Variants in RALGPS2 observed in about 807,000 individuals in gnomAD.
The protein encoded by RALGPS2 is Ral GEF with PH domain and SH3 binding motif 2, also known as ras-specific guanine nucleotide-releasing factor RalGPS2.
A neutral mutation model predicts 86.8 loss-of-function variants in RALGPS2; 43 were observed. The observed-to-expected ratio is 0.50, with a 90% CI of 0.39 to 0.64. The LOEUF is 0.64. RALGPS2 is among the 30% of genes least tolerant of loss of function. The pLI, the probability that RALGPS2 is intolerant of heterozygous loss-of-function variation, is 0.00. For synonymous variants in RALGPS2, 243 were observed against 231.3 expected (o/e 1.05, Z -0.46); for missense variants, 536 against 694.6 (o/e 0.77, Z 2.57).
At chr1:178,914,329 C>T (rs1244890885) in intron 19 of RALGPS2, among the ~76,000 whole-genome samples, 2 of 152,144 alleles carry the variant, frequency 1.3e-5, no homozygotes, top group Non-Finnish European at 2.9e-5. Flanking sequence ...CTCAAATATC[C>T]AGGAGGACTA....
intron 19 of RALGPS2, among the ~76,000 whole-genome samples, chr1:178,916,058 C>T (rs1343781657): frequency 2.0e-5 from 3 of 152,132 alleles, no homozygotes; most frequent in African/African-American, 7.2e-5. Context: ...CTACTGAGCC[C>T]CCTGTGTTAG....
chr1:178,745,970 T>C (rs1651304203), intron 1 of RALGPS2, among the ~76,000 whole-genome samples: 2 of 151,844 alleles, frequency 1.3e-5, no homozygotes, highest in African/African-American at 4.8e-5. Flanking sequence ...TACAGGCATG[T>C]GCCACCATAC....
At chr1:178,790,834 CA>C (rs1653915596) in intron 4 of RALGPS2, among the ~76,000 whole-genome samples, 1 of 152,126 alleles carries the variant, frequency 6.6e-6, no homozygotes, top group South Asian at 2.1e-4. Flanking sequence ...CCTATGATGG[CA>C]GCCAGTTTAG....
intron 8 of RALGPS2, among the ~76,000 whole-genome samples, chr1:178,846,904 T>G (rs76069805): frequency 1.6e-3 from 248 of 152,340 alleles, no homozygotes; most frequent in African/African-American, 5.6e-3. Context: ...ATATAGATTA[T>G]CTAATACATA....
chr1:178,883,417 G>C (rs1489729283), intron 10 of RALGPS2, 49 bp from the exon 11 acceptor site: 1 of 1,374,110 alleles, frequency 7.3e-7, no homozygotes, highest in Middle Eastern at 1.8e-4. Context: ...ATCTTATTTT[G>C]TCAAATGTTA....
intron 7 of RALGPS2, among the ~76,000 whole-genome samples, chr1:178,831,533 CA>C (rs1656016909): frequency 6.6e-6 from 1 of 151,904 alleles, no homozygotes; most frequent in South Asian, 2.1e-4. Context: ...TCATTAATAT[CA>C]ATGAAAGTGT....
intron 19 of RALGPS2, among the ~76,000 whole-genome samples, chr1:178,909,643 ATTTTTTT>A (rs57890269): frequency 1.8e-4 from 13 of 72,388 alleles, no homozygotes; most frequent in East Asian, 3.7e-4. Context: ...TTCTTTTTTA[ATTTTTTT>A]TTTTTTTTTT....
intron 8 of RALGPS2, among the ~76,000 whole-genome samples, chr1:178,843,717 A>G (rs1408578448): frequency 6.6e-6 from 1 of 152,072 alleles, no homozygotes; most frequent in Non-Finnish European, 1.5e-5. Flanking sequence ...AATTAAGAAC[A>G]TACACTATAG....
At chr1:178,840,148 G>C (rs1379212952) in intron 8 of RALGPS2, among the ~76,000 whole-genome samples, 1 of 152,166 alleles carries the variant, frequency 6.6e-6, no homozygotes, top group East Asian at 1.9e-4. Context: ...GCACCAAGCA[G>C]ACCTAATAGA....
rs1382289455 is a variant in RALGPS2, at chr1:178,785,527, A to C, written c.163-30A>C. On this transcript the variant is annotated intron_variant, in intron 3 of 19. Coordinates refer to ENST00000367635, the MANE Select transcript of RALGPS2 (RefSeq NM_152663.5). ...ATGTTATGGTATAGAATTCCAAAGAAGAAATTGTCATTTTTACTTTATATT... is the reference window on the plus strand; with the variant it reads ...ATGTTATGGTATAGAATTCCAAAGACGAAATTGTCATTTTTACTTTATATT... 2.6e-6 allele frequency: 4 copies of C among 1,564,696 alleles called. No homozygotes were observed. In the South Asian group the frequency reaches 4.9e-5, roughly 19 times the overall value.
In RALGPS2 at chr1:178,875,479, G is replaced by A. The variant is rs185227812; in HGVS notation, c.608-2019G>A. Among the ~76,000 whole-genome samples, 247 of 152,240 alleles carry A rather than the reference G, an allele frequency of 1.6e-3. 2 individuals are homozygous for A. The highest frequency in any genetic ancestry group is 2.6e-3 in the Non-Finnish European group (179 of 68,006). On this transcript the variant is annotated intron_variant, in intron 8 of 19. Coordinates refer to ENST00000367635, the MANE Select transcript of RALGPS2 (RefSeq NM_152663.5). ...ACATGTATATTGGGCCAGGTGCAGT[G>A]GCTCATGCCTGTAATCCTAGCACTT...
In RALGPS2 at chr1:178,889,764, T is replaced by C. The variant is rs1409921902; in HGVS notation, c.1247+68T>C. On this transcript the variant is annotated intron_variant, in intron 14 of 19. Transcript: ENST00000367635. ...TCTGGGTTAAATAATATAATACAAA[T>C]TTTCAGAGATAATATTTACTACATA... 3 of 1,132,418 alleles carry C rather than the reference T, an allele frequency of 2.6e-6. No homozygotes were observed. In the East Asian group the frequency reaches 7.3e-5, roughly 27 times the overall value. 70.1% of individuals were successfully genotyped at this position (1,132,418 alleles called of 1,614,324 possible).
At chr1:178,767,632 C>T (rs993795922) in intron 1 of RALGPS2, among the ~76,000 whole-genome samples, 6 of 152,160 alleles carry the variant, frequency 3.9e-5, no homozygotes, top group Admixed American at 2.0e-4. Context: ...TGCCTGCCTA[C>T]GGAATTCAGG....
intron 8 of RALGPS2, among the ~76,000 whole-genome samples, chr1:178,875,583 A>T (rs1450898548): frequency 1.3e-5 from 2 of 152,090 alleles, no homozygotes; most frequent in African/African-American, 4.8e-5. Context: ...CCCCATCTCT[A>T]CTAAAAATGC....
chr1:178,898,469 C>T (rs1443406415), intron 17 of RALGPS2, among the ~76,000 whole-genome samples: 1 of 151,962 alleles, frequency 6.6e-6, no homozygotes, highest in Non-Finnish European at 1.5e-5. Context: ...CAGAGAAACT[C>T]TTCTTTATTC....
intron 1 of RALGPS2, among the ~76,000 whole-genome samples, chr1:178,735,723 A>C (rs1473411201): frequency 6.6e-6 from 1 of 150,862 alleles, no homozygotes; most frequent in Non-Finnish European, 1.5e-5. Context: ...TTATATTTGT[A>C]CATGTATCTC....
At chr1:178,752,336 G>A (rs968325134) in intron 1 of RALGPS2, among the ~76,000 whole-genome samples, 2 of 147,256 alleles carry the variant, frequency 1.4e-5, no homozygotes, top group African/African-American at 5.2e-5. Context: ...TTTTTGTAGA[G>A]ATTGGTGGCG....
At chr1:178,821,520 C>A (rs1655503205) in intron 6 of RALGPS2, 92 bp from the exon 7 acceptor site, 5 of 893,362 alleles carry the variant, frequency 5.6e-6, no homozygotes. Flanking sequence ...GGAACACTAC[C>A]AGTTGCCAAG....
At chr1:178,792,514 G>C (rs1375470015) in intron 4 of RALGPS2, among the ~76,000 whole-genome samples, 1 of 152,122 alleles carries the variant, frequency 6.6e-6, no homozygotes. Context: ...CTAGAAATAG[G>C]AGTATTCTTT....
Sources: gnomAD v4.1 joint callset for allele counts (sites outside exome capture counted in the v4.1 genomes callset) on GRCh38, gnomAD v4.1.1 for gene constraint, MANE v1.5 for transcripts, NCBI Gene and HGNC (gene_info 2026-07-23, HGNC 2026-07-21) for gene names.